GADL1: variants seen among roughly 807,000 people sequenced by gnomAD.
GADL1 encodes the protein GAD like acidic amino acid decarboxylase 1.
GADL1 carries 71 observed loss-of-function variants against 69.5 expected under a neutral mutation model. The ratio of observed to expected loss-of-function variants is 1.02; its 90% confidence interval spans 0.84 to 1.25. GADL1 has a LOEUF of 1.25. Among genes scored for constraint, GADL1 ranks in the 50% most tolerant of loss-of-function variants. The pLI, the probability that GADL1 is intolerant of heterozygous loss-of-function variation, is 0.00. For missense variants in GADL1, 737 were observed against 631.8 expected (o/e 1.17, Z -1.79); for synonymous variants, 254 against 214.4 (o/e 1.18, Z -1.62).
At chr3:30,879,160 G>A (rs1243923749) in intron 1 of GADL1, among the ~76,000 whole-genome samples, 1 of 151,832 alleles carries the variant, frequency 6.6e-6, no homozygotes, top group Non-Finnish European at 1.5e-5. Flanking sequence ...GCTGTCATGT[G>A]GGATGCATAC....
intron 14 of GADL1, among the ~76,000 whole-genome samples, chr3:30,760,058 CAT>C (rs763229190): frequency 4.6e-5 from 7 of 152,182 alleles, no homozygotes; most frequent in Non-Finnish European, 5.9e-5. Flanking sequence ...CTTATTGTCT[CAT>C]ATCACTAAAG....
At chr3:30,766,217 A>AG (rs1171195740) in intron 14 of GADL1, among the ~76,000 whole-genome samples, 2 of 152,224 alleles carry the variant, frequency 1.3e-5, no homozygotes, top group Non-Finnish European at 2.9e-5. Context: ...AAGAGGTGGT[A>AG]GAATATAGGC....
intron 2 of GADL1, among the ~76,000 whole-genome samples, chr3:30,860,754 G>C (rs754904352): frequency 6.6e-6 from 1 of 151,910 alleles, no homozygotes; most frequent in Non-Finnish European, 1.5e-5. Flanking sequence ...TGTGATAAAG[G>C]TTGATTCGGT....
At chr3:30,845,462 A>G (rs1017875214) in intron 6 of GADL1, among the ~76,000 whole-genome samples, 1 of 152,318 alleles carries the variant, frequency 6.6e-6, no homozygotes, top group Middle Eastern at 3.4e-3. Flanking sequence ...AAGAGTAGTC[A>G]TGCCTTCACA....
At chr3:30,860,523 A>C (rs903703509) in intron 2 of GADL1, among the ~76,000 whole-genome samples, 1 of 151,990 alleles carries the variant, frequency 6.6e-6, no homozygotes, top group South Asian at 2.1e-4. Flanking sequence ...GCAAATACCA[A>C]ACACCATCAG....
At chr3:30,810,428 TAG>T (rs1553640785) in intron 11 of GADL1, among the ~76,000 whole-genome samples, 18 of 152,168 alleles carry the variant, frequency 1.2e-4, no homozygotes, top group Middle Eastern at 3.4e-3. Context: ...GATATATATA[TAG>T]AGAGAGAGAT....
intron 4 of GADL1, among the ~76,000 whole-genome samples, chr3:30,851,296 T>C (rs73063041): frequency 1.3e-5 from 2 of 152,244 alleles, no homozygotes; most frequent in Non-Finnish European, 2.9e-5. Context: ...TGGATGCTGT[T>C]GATGGTCAAA....
At chr3:30,882,884 T>C (rs1198045115) in intron 1 of GADL1, among the ~76,000 whole-genome samples, 2 of 151,852 alleles carry the variant, frequency 1.3e-5, no homozygotes, top group Admixed American at 1.3e-4. Flanking sequence ...TGTAAGGTGA[T>C]AGTGTGGTTT....
rs1242056824 is a variant in GADL1 at position 30,726,945 on chromosome 3, C to G, written c.*1297G>C. Reference sequence around the variant, plus strand: ...TCTGTAATATAAACCACTTAATAATCTATACTGACATTTCAAAGCTTAGGA... The same window carrying G: ...TCTGTAATATAAACCACTTAATAATGTATACTGACATTTCAAAGCTTAGGA... On this transcript the variant is annotated 3_prime_UTR_variant, in exon 15 of 15. Transcript: ENST00000282538. 6.6e-6 allele frequency: 1 copy of G among 152,380 alleles called. No individual in the cohort carries two copies. Among genetic ancestry groups the G allele is most frequent in the Non-Finnish European group, 1.5e-5 (1 of 67,994 alleles). 9.4% of individuals were successfully genotyped at this position (152,380 alleles called of 1,614,324 possible). A position where few individuals can be genotyped will look rare whatever the true frequency, so the allele number is the denominator to read the frequency against.
chr3:30,726,587 T>A lies in GADL1; in HGVS notation c.*1655A>T, dbSNP rs966009812. 2 of 151,520 alleles carry A rather than the reference T, an allele frequency of 1.3e-5. No individual in the cohort carries two copies. Among genetic ancestry groups the A allele is most frequent in the Admixed American group, 1.3e-4 (2 of 15,220 alleles). The allele number at this position is 151,520 out of a possible 1,614,324, so 9.4% of individuals were successfully genotyped here. A position where few individuals can be genotyped will look rare whatever the true frequency, so the allele number is the denominator to read the frequency against. On this transcript the variant is annotated 3_prime_UTR_variant, in exon 15 of 15. Transcript: ENST00000282538. ...TTGACCAATAGAGATACCGAGAAAC[T>A]GTGCACACTAAAATGAAAATAAGCA...
At chr3:30,848,477 G>A (rs1011487404) in intron 6 of GADL1, among the ~76,000 whole-genome samples, 3 of 152,172 alleles carry the variant, frequency 2.0e-5, no homozygotes, top group Non-Finnish European at 2.9e-5. Flanking sequence ...GATAGATACA[G>A]GAAAGCCTAG....
intron 14 of GADL1, among the ~76,000 whole-genome samples, chr3:30,754,092 G>A (rs1695905451): frequency 6.6e-6 from 1 of 152,172 alleles, no homozygotes; most frequent in Non-Finnish European, 1.5e-5. Flanking sequence ...AGGCTTTCCT[G>A]AAAAAGCGTC....
intron 14 of GADL1, among the ~76,000 whole-genome samples, chr3:30,766,553 G>A (rs948793591): frequency 6.5e-5 from 8 of 122,662 alleles, no homozygotes; most frequent in Non-Finnish European, 1.1e-4. Flanking sequence ...TATCATTACT[G>A]TGATTTTTTT....
At chr3:30,762,475 A>G (rs998907823) in intron 14 of GADL1, among the ~76,000 whole-genome samples, 4 of 152,200 alleles carry the variant, frequency 2.6e-5, no homozygotes, top group African/African-American at 9.7e-5. Flanking sequence ...TTTTTATAAT[A>G]AACTTTTAAC....
intron 14 of GADL1, among the ~76,000 whole-genome samples, chr3:30,766,279 T>C (rs1696274051): frequency 1.3e-5 from 2 of 152,168 alleles, no homozygotes; most frequent in Non-Finnish European, 1.5e-5. Context: ...GTAGGAATGC[T>C]AAATTCACTC....
chr3:30,771,703 A>G (rs1696423643), intron 14 of GADL1, among the ~76,000 whole-genome samples: 1 of 152,236 alleles, frequency 6.6e-6, no homozygotes, highest in African/African-American at 2.4e-5. Context: ...TTAAAGACAC[A>G]GGTGCTTTTA....
intron 1 of GADL1, among the ~76,000 whole-genome samples, chr3:30,868,673 C>A (rs182483513): frequency 1.3e-5 from 2 of 152,008 alleles, no homozygotes; most frequent in East Asian, 3.9e-4. Flanking sequence ...TATATGAACT[C>A]TCTTTTGGCA....
chr3:30,754,437 G>A (rs1695913936), intron 14 of GADL1, among the ~76,000 whole-genome samples: 1 of 152,182 alleles, frequency 6.6e-6, no homozygotes, highest in African/African-American at 2.4e-5. Flanking sequence ...GAATCCTAAA[G>A]GGATATAGAA....
chr3:30,806,300 T>C (rs1697254955), intron 11 of GADL1, among the ~76,000 whole-genome samples: 2 of 152,348 alleles, frequency 1.3e-5, no homozygotes, highest in African/African-American at 4.8e-5. Context: ...GGACCTATTA[T>C]ATAACAAGCA....
Sources: allele counts gnomAD v4.1 joint callset (sites outside exome capture counted in the v4.1 genomes callset), GRCh38; gene constraint gnomAD v4.1.1; transcripts MANE v1.5; gene names NCBI Gene and HGNC (gene_info 2026-07-23, HGNC 2026-07-21).